Variants in PLEKHA5 observed in about 807,000 individuals in gnomAD.
The protein encoded by PLEKHA5 is pleckstrin homology domain containing A5.
Under a neutral mutation model 181.9 loss-of-function variants are expected in PLEKHA5, and 55 were observed. The ratio of observed to expected loss-of-function variants is 0.30; its 90% CI spans 0.24 to 0.38. PLEKHA5 has a LOEUF of 0.38. PLEKHA5 is among the 10% of genes least tolerant of loss of function. The probability of loss-of-function intolerance (pLI) is 1.00; values close to 1 mark genes in which losing one functional copy is unlikely to be tolerated. For missense variants in PLEKHA5, 1,432 were observed against 1,549.5 expected (o/e 0.92, Z 1.27); for synonymous variants, 535 against 529.4 (o/e 1.01, Z -0.15).
chr12:19,304,910 C>G (rs2082733230), intron 15 of PLEKHA5, among the ~76,000 whole-genome samples: 1 of 152,072 alleles, frequency 6.6e-6, no homozygotes, highest in Non-Finnish European at 1.5e-5. Flanking sequence ...GCCTGGCCAA[C>G]ATGGCGAAAC....
rs771443913 is a variant in PLEKHA5 at position 19,274,649 on chromosome 12, G to A, written c.979G>A (p.Ala327Thr). The change falls in exon 11 of 32, where the codon GCA becomes ACA. Residue 327 changes from alanine to threonine, a missense_variant. Ala to Thr is a moderately conservative substitution (Grantham distance 58). Around this residue, in one of 2 missense-constraint regions of PLEKHA5, gnomAD observed 1,143 missense variants for 1,168.4 expected, o/e 0.98. Transcript: ENST00000429027. ...AATGAGCAAAATTGAAGAAAAAAAG[G>A]CATTAGAAGCTGAAAAATATGGATT... ...KEMSKIEEKK[A>T]LEAEKYGFQK... 1.2e-6 allele frequency: 2 copies of A among 1,613,424 alleles called. No homozygotes were observed. Among genetic ancestry groups the A allele is most frequent in the East Asian group, 2.2e-5 (1 of 44,884 alleles).
At chr12:19,298,408 C>CTTTTTTTTTTTTTTTTTT (rs533661916) in intron 15 of PLEKHA5, among the ~76,000 whole-genome samples, 3 of 106,334 alleles carry the variant, frequency 2.8e-5, no homozygotes, top group South Asian at 3.4e-4. Flanking sequence ...ATTTTTTTAG[C>CTTTTTTTTTTTTTTTTTT]TTTTTTTTTT....
chr12:19,313,542 C>T (rs976634154), intron 15 of PLEKHA5, among the ~76,000 whole-genome samples: 10 of 151,984 alleles, frequency 6.6e-5, no homozygotes, highest in Admixed American at 5.2e-4. Context: ...TATGTGAATA[C>T]TTTTGTCAAA....
At chr12:19,258,561 C>G (rs796193617) in intron 6 of PLEKHA5, among the ~76,000 whole-genome samples, 1 of 123,798 alleles carries the variant, frequency 8.1e-6, no homozygotes, top group African/African-American at 3.0e-5. Flanking sequence ...TTTTCTTTTT[C>G]TTTTTTTTTT....
intron 22 of PLEKHA5, among the ~76,000 whole-genome samples, chr12:19,345,496 G>C (rs974064922): frequency 1.3e-5 from 2 of 151,918 alleles, no homozygotes; most frequent in African/African-American, 2.4e-5. Context: ...GGACGCCATG[G>C]CTCACGCCTG....
chr12:19,325,377 T>G (rs556317836), intron 20 of PLEKHA5, among the ~76,000 whole-genome samples: 5 of 151,964 alleles, frequency 3.3e-5, no homozygotes, highest in Non-Finnish European at 7.4e-5. Flanking sequence ...AGTGATACAC[T>G]GTCTCTAAAA....
chr12:19,242,289 A>G (rs1411388868), intron 3 of PLEKHA5, among the ~76,000 whole-genome samples: 1 of 151,070 alleles, frequency 6.6e-6, no homozygotes, highest in Admixed American at 6.6e-5. Flanking sequence ...TCCAGGCTGG[A>G]GTGCAGTGGC....
chr12:19,248,208 G>A (rs1342601551), intron 3 of PLEKHA5, among the ~76,000 whole-genome samples: 1 of 152,124 alleles, frequency 6.6e-6, no homozygotes, highest in Non-Finnish European at 1.5e-5. Flanking sequence ...GAGGGATAGA[G>A]TGTTTAATCT....
intron 20 of PLEKHA5, among the ~76,000 whole-genome samples, chr12:19,323,042 T>TTTC (rs71064084): frequency 1.1e-5 from 1 of 89,876 alleles, no homozygotes; most frequent in African/African-American, 3.8e-5. Context: ...TTTTTTTTTT[T>TTTC]CATAGAAATG....
chr12:19,183,147 G>A (rs967718175), intron 3 of PLEKHA5, among the ~76,000 whole-genome samples: 4 of 152,164 alleles, frequency 2.6e-5, no homozygotes, highest in Non-Finnish European at 5.9e-5. Context: ...CAATGTGCAA[G>A]TTTGTTTAAA....
chr12:19,356,669 T>C (rs1021356359), intron 26 of PLEKHA5, among the ~76,000 whole-genome samples: 212 of 140,870 alleles, frequency 1.5e-3, no homozygotes, highest in African/African-American at 5.1e-3. Context: ...TTTCTTTTTT[T>C]TTTTTTTTTT....
intron 26 of PLEKHA5, among the ~76,000 whole-genome samples, chr12:19,355,344 C>CTTTTTTT (rs756942658): frequency 1.1e-5 from 1 of 94,018 alleles, no homozygotes; most frequent in Non-Finnish European, 2.2e-5. Flanking sequence ...TATGGCTAGT[C>CTTTTTTT]TTTTTTTTTT....
At chr12:19,326,854 T>C (rs1262395967) in intron 20 of PLEKHA5, among the ~76,000 whole-genome samples, 1 of 152,230 alleles carries the variant, frequency 6.6e-6, no homozygotes, top group Non-Finnish European at 1.5e-5. Context: ...TTACTTAGGA[T>C]AATGGCCTAT....
At chr12:19,334,232 G>A (rs576188250) in intron 20 of PLEKHA5, among the ~76,000 whole-genome samples, 1 of 152,218 alleles carries the variant, frequency 6.6e-6, no homozygotes, top group Admixed American at 6.5e-5. Context: ...TCATGTTTGA[G>A]GAGCTGAAGT....
intron 15 of PLEKHA5, among the ~76,000 whole-genome samples, chr12:19,300,796 A>C (rs750647880): frequency 6.6e-6 from 1 of 152,140 alleles, no homozygotes. Flanking sequence ...ACAGTTAACC[A>C]TTGATAAAAT....
At chr12:19,342,768 C>T (rs538024397) in intron 21 of PLEKHA5, among the ~76,000 whole-genome samples, 6 of 152,090 alleles carry the variant, frequency 3.9e-5, no homozygotes, top group South Asian at 2.1e-4. Flanking sequence ...CAGAGCAAGA[C>T]TCTGTCTCAA....
intron 3 of PLEKHA5, among the ~76,000 whole-genome samples, chr12:19,244,403 T>C (rs2063247085): frequency 6.6e-6 from 1 of 152,238 alleles, no homozygotes; most frequent in African/African-American, 2.4e-5. Context: ...GTTTTCTTCA[T>C]AGAGAAATAC....
At chr12:19,339,941 T>C (rs1461966746) in intron 21 of PLEKHA5, among the ~76,000 whole-genome samples, 1 of 152,140 alleles carries the variant, frequency 6.6e-6, no homozygotes, top group Non-Finnish European at 1.5e-5. Flanking sequence ...AATGTAAAAC[T>C]ATAGTGTTAA....
chr12:19,291,536 T>TA (rs2078456217), intron 14 of PLEKHA5, 108 bp from the exon 15 acceptor site: 3 of 644,006 alleles, frequency 4.7e-6, no homozygotes, highest in Non-Finnish European at 8.1e-6. Context: ...TGTACTGTGA[T>TA]ATAATAGGTT....
Sources: gnomAD v4.1 joint callset for allele counts (sites outside exome capture counted in the v4.1 genomes callset) on GRCh38, gnomAD v4.1.1 for gene constraint, gnomAD v4.1.1 regional missense constraint, MANE v1.5 for transcripts, NCBI Gene and HGNC (gene_info 2026-07-23, HGNC 2026-07-21) for gene names.